Variants in CACNA1G observed in about 807,000 individuals in gnomAD.
The protein encoded by CACNA1G is calcium voltage-gated channel subunit alpha1 G.
In CACNA1G, 67 loss-of-function variants were observed where a neutral mutation model predicts 219.4. That is an observed-to-expected ratio of 0.31 (90% CI 0.25 to 0.37). The LOEUF is 0.37. Ranked by LOEUF, CACNA1G falls within the 10% of genes least tolerant of loss-of-function variation. The pLI, the probability that CACNA1G is intolerant of heterozygous loss-of-function variation, is 1.00. For synonymous variants in CACNA1G, 1,296 were observed against 1,345.3 expected (o/e 0.96, Z 0.80); for missense variants, 2,380 against 3,231.4 (o/e 0.74, Z 6.39).
Position 50,578,639 on chromosome 17 carries a change from C to A in CACNA1G, c.2301+75C>A. On this transcript the variant is annotated intron_variant, in intron 9 of 37. Coordinates refer to ENST00000359106, the MANE Select transcript of CACNA1G (RefSeq NM_018896.5). The surrounding 1 kb of genome is among the most constrained non-coding windows in gnomAD (Gnocchi z 4.5). ...GGCTGGGGCCTTCTACCTCCCTCCG[C>A]ACCCCTCCTCCTGAGCTCAGCTTCC... is the stretch of plus-strand genomic sequence containing the variant. The A allele has an allele frequency of 7.1e-7, 1 of 1,412,746 alleles. No individual in the cohort carries two copies. The highest frequency in any genetic ancestry group is 9.5e-7 in the Non-Finnish European group (1 of 1,052,794). The allele number at this position is 1,412,746 out of a possible 1,614,324, so 87.5% of individuals were successfully genotyped here. A position where few individuals can be genotyped will look rare whatever the true frequency, so the allele number is the denominator to read the frequency against.
intron 9 of CACNA1G, among the ~76,000 whole-genome samples, chr17:50,585,297 C>T (rs2042783666): frequency 6.6e-6 from 1 of 152,180 alleles, no homozygotes; most frequent in South Asian, 2.1e-4. Context: ...GGGCACCTGC[C>T]ACCATGCCTG....
chr17:50,574,227 T>C (rs1309729707), intron 7 of CACNA1G, among the ~76,000 whole-genome samples: 1 of 152,182 alleles, frequency 6.6e-6, no homozygotes, highest in African/African-American at 2.4e-5. Context: ...ACATTCAGCC[T>C]TTCTTCCATG....
chr17:50,582,930 A>G (rs1230474060), intron 9 of CACNA1G, among the ~76,000 whole-genome samples: 1 of 152,056 alleles, frequency 6.6e-6, no homozygotes, highest in African/African-American at 2.4e-5. Flanking sequence ...CTCCAGATAC[A>G]TGTCCAGAGA....
rs138689463 is a variant in CACNA1G at position 50,617,203 on chromosome 17, A to G, written c.5022-235A>G. On this transcript the variant is annotated intron_variant, in intron 28 of 37. Coordinates refer to ENST00000359106, the MANE Select transcript of CACNA1G (RefSeq NM_018896.5). The surrounding 1 kb of genome is among the most constrained non-coding windows in gnomAD (Gnocchi z 5.8). Reference sequence around the variant, plus strand: ...ACCATATAAGTGCTAAATTAAAAATAAAAGCAAATGAATACAAATGAAAAG... The same window carrying G: ...ACCATATAAGTGCTAAATTAAAAATGAAAGCAAATGAATACAAATGAAAAG... 3.3e-5 allele frequency among the ~76,000 whole-genome samples: 5 copies of G among 152,368 alleles called. No individual in the cohort carries two copies. The East Asian group carries it at 9.6e-4, about 29-fold the overall frequency.
intron 26 of CACNA1G, among the ~76,000 whole-genome samples, chr17:50,614,214 G>A (rs2049925273): frequency 6.6e-6 from 1 of 152,242 alleles, no homozygotes; most frequent in Non-Finnish European, 1.5e-5. Context: ...GGAAAGGACA[G>A]TTACATCTGA....
chr17:50,602,917 C>T (rs1193162892), intron 20 of CACNA1G, 29 bp downstream of exon 20: 56 of 1,612,042 alleles, frequency 3.5e-5, no homozygotes, highest in Non-Finnish European at 4.6e-5. Context: ...GGCTTGGGAC[C>T]TCTGGTTCCT....
rs770334535 is a variant in CACNA1G at position 50,602,825 on chromosome 17, C to T, written c.3921C>T (p.Arg1307=). ...RPKIDPHSAE[R]IFLTLSNYIF... ...CTGCCTCCCCTCTCTTGCAGGAACG[C>T]ATCTTCCTGACCCTCTCCAATTACA... Residue 1307 remains arginine, a synonymous_variant, in exon 20 of 38, where the codon CGC becomes CGT. Transcript: ENST00000359106. 6.2e-7 allele frequency: 1 copy of T among 1,613,830 alleles called. No individual in the cohort carries two copies. Among genetic ancestry groups the T allele is most frequent in the Non-Finnish European group, 8.5e-7 (1 of 1,179,790 alleles).
Position 50,573,023 on chromosome 17 carries a change from C to T in CACNA1G, c.1050C>T (p.Val350=). 1.3e-6 allele frequency: 2 copies of T among 1,577,694 alleles called. No homozygotes were observed. The highest frequency in any genetic ancestry group is 1.2e-5 in the South Asian group (1 of 86,532). ...IGYAWIAIFQ[V]ITLEGWVDIM... ...GCCTGCCCCTCTGCACCCCCTAGGT[C>T]ATCACGCTGGAGGGCTGGGTCGACA... The change falls in exon 7 of 38, where the codon GTC becomes GTT. Residue 350 remains valine (V), a splice_region_variant and synonymous_variant. Coordinates refer to ENST00000359106, the MANE Select transcript of CACNA1G (RefSeq NM_018896.5).
chr17:50,575,467 G>T lies in CACNA1G; in HGVS notation c.1141-76G>T, dbSNP rs2040450917. The T allele has an allele frequency of 4.2e-6, 6 of 1,414,298 alleles. No homozygotes were observed. The South Asian group carries it at 8.5e-5, about 20-fold the overall frequency. The allele number at this position is 1,414,298 out of a possible 1,614,324, so 87.6% of individuals were successfully genotyped here. On this transcript the variant is annotated intron_variant, in intron 7 of 37. Transcript: ENST00000359106. ...AGCGTGGCGCTTGGCTCATAGGAAT[G>T]CCTCCGTATGTGGTGGCTGGCATTG...
chr17:50,602,755 A>G, intron 19 of CACNA1G, 65 bp from the exon 20 acceptor site: 1 of 1,460,602 alleles, frequency 6.8e-7, no homozygotes. Context: ...TTGTGTATGC[A>G]GAGCAGACCT....
intron 27 of CACNA1G, 78 bp from the exon 28 acceptor site, chr17:50,616,197 G>A (rs1266313046): frequency 9.5e-6 from 8 of 843,722 alleles, no homozygotes; most frequent in South Asian, 4.3e-5. Context: ...AGACCTGGGC[G>A]GTATGATGGA....
chr17:50,607,815 G>T lies in CACNA1G; in HGVS notation c.4513-12G>T. The T allele has an allele frequency of 6.2e-7, 1 of 1,612,302 alleles. No individual in the cohort carries two copies. The highest frequency in any genetic ancestry group is 1.1e-5 in the South Asian group (1 of 91,022). ...GCTGATGCCTCCGCCTGTCCTTCCT[G>T]CTCCCCGCCAGCCCATCATGAACCA... On this transcript the variant is annotated splice_polypyrimidine_tract_variant and intron_variant, in intron 24 of 37. Coordinates refer to ENST00000359106, the MANE Select transcript of CACNA1G (RefSeq NM_018896.5).
rs1311574939 is a variant in CACNA1G at position 50,599,474 on chromosome 17, G to A, written c.3305G>A (p.Ser1102Asn). The A allele has an allele frequency of 6.3e-7, 1 of 1,583,806 alleles. No individual in the cohort carries two copies. The highest frequency in any genetic ancestry group is 1.3e-5 in the African/African-American group (1 of 74,422). Residue 1102 changes from serine to asparagine, a missense_variant, in exon 17 of 38, where the codon AGC becomes AAC. Physicochemically the swap from Ser to Asn is conservative, Grantham distance 46 (BLOSUM62 1). Transcript: ENST00000359106. ...CACAGCCCCTGGAGCGCTGCAAGCA[G>A]CTGGACCAGCAGGCGCTCCAGCCGG... ...SPHSPWSAAS[S>N]WTSRRSSRNS...
intron 16 of CACNA1G, among the ~76,000 whole-genome samples, chr17:50,597,741 C>T (rs903238425): frequency 2.0e-5 from 3 of 152,184 alleles, no homozygotes; most frequent in African/African-American, 4.8e-5. Flanking sequence ...ATTGATTCCT[C>T]CTGTCCAACT....
chr17:50,615,892 C>G (rs1053138496), intron 27 of CACNA1G, among the ~76,000 whole-genome samples: 2 of 152,214 alleles, frequency 1.3e-5, no homozygotes, highest in Non-Finnish European at 2.9e-5. Flanking sequence ...TGTGACCTTG[C>G]CACTTCTCCA....
intron 13 of CACNA1G, among the ~76,000 whole-genome samples, chr17:50,592,588 G>C (rs1453793785): frequency 6.6e-6 from 1 of 152,234 alleles, no homozygotes; most frequent in Non-Finnish European, 1.5e-5. Flanking sequence ...TACGGGCATG[G>C]CAGAGATGAG....
chr17:50,570,419 C>G (rs1182667886), intron 4 of CACNA1G, among the ~76,000 whole-genome samples: 1 of 152,192 alleles, frequency 6.6e-6, no homozygotes, highest in East Asian at 1.9e-4. Context: ...GCTCAGGCCC[C>G]CTTTGCAACT....
intron 1 of CACNA1G, among the ~76,000 whole-genome samples, chr17:50,567,485 G>A (rs2038221203): frequency 6.6e-6 from 1 of 152,046 alleles, no homozygotes; most frequent in Admixed American, 6.5e-5. Context: ...CTGGGAGGAA[G>A]GTCCATAGGT....
Position 50,599,991 on chromosome 17 carries a change from C to A in CACNA1G, c.3690+132C>A, listed in dbSNP as rs111380267. On this transcript the variant is annotated intron_variant, in intron 17 of 37. Transcript: ENST00000359106. ...TATCAAGGGGCACCTAGAAACCGAG[C>A]TCCAAACAATCCCTTTTCTCCCTCT... 4.5e-6 allele frequency: 4 copies of A among 891,530 alleles called. No homozygotes were observed. In the African/African-American group the frequency reaches 6.7e-5, roughly 15 times the overall value. 55.2% of individuals were successfully genotyped at this position (891,530 alleles called of 1,614,324 possible).
Sources: gnomAD v4.1 joint callset for allele counts (sites outside exome capture counted in the v4.1 genomes callset) on GRCh38, gnomAD v4.1.1 for gene constraint, Gnocchi (gnomAD v3.1) non-coding constraint, MANE v1.5 for transcripts, NCBI Gene and HGNC (gene_info 2026-07-23, HGNC 2026-07-21) for gene names.